PDE3A: variants seen among roughly 807,000 people sequenced by gnomAD.
PDE3A encodes the protein cGMP-inhibited 3',5'-cyclic phosphodiesterase 3A.
Under a neutral mutation model 98.3 loss-of-function variants are expected in PDE3A, and 43 were observed. That is an observed-to-expected ratio of 0.44 (90% CI 0.34 to 0.56). The LOEUF (loss-of-function observed/expected upper bound fraction) is 0.56. Ranked by LOEUF, PDE3A falls within the 20% of genes least tolerant of loss-of-function variation. The pLI, the probability that PDE3A is intolerant of heterozygous loss-of-function variation, is 0.01. For synonymous variants in PDE3A, 663 were observed against 567.9 expected (o/e 1.17, Z -2.38); for missense variants, 1,427 against 1,440.7 (o/e 0.99, Z 0.15).
At chr12:20,613,934 A>ATCTT (rs911560977) in intron 3 of PDE3A, among the ~76,000 whole-genome samples, 6 of 152,146 alleles carry the variant, frequency 3.9e-5, no homozygotes, top group African/African-American at 1.4e-4. Context: ...CTTTTATTTA[A>ATCTT]TCTTTCATGT....
chr12:20,409,455 C>G (rs1020026381), intron 1 of PDE3A, among the ~76,000 whole-genome samples: 1 of 151,980 alleles, frequency 6.6e-6, no homozygotes, highest in African/African-American at 2.4e-5. Flanking sequence ...TAATTTTTAC[C>G]TACAATTTGA....
intron 1 of PDE3A, among the ~76,000 whole-genome samples, chr12:20,484,252 A>G (rs1945682198): frequency 6.6e-6 from 1 of 152,116 alleles, no homozygotes; most frequent in South Asian, 2.1e-4. Flanking sequence ...TTTCCTTGGG[A>G]TTTTTATCTC....
chr12:20,632,499 G>A (rs1353026622), intron 6 of PDE3A, among the ~76,000 whole-genome samples: 5 of 152,202 alleles, frequency 3.3e-5, no homozygotes, highest in Non-Finnish European at 4.4e-5. Flanking sequence ...AAAGAACCCA[G>A]CAGCAAATGC....
At position 20,654,554 on chromosome 12, in the gene PDE3A, T is replaced by C. The variant is rs566141611; in HGVS notation, c.3184+349T>C. Among the ~76,000 whole-genome samples the C allele has an allele frequency of 5.9e-5, 9 of 151,658 alleles. No homozygotes were observed. In the South Asian group the frequency reaches 1.9e-3, roughly 32 times the overall value. The stretch of plus-strand genomic sequence containing the variant: ...CTCTGTCACCCAGGCTGGCGTGCAG[T>C]GGCACGATCTCGGCTCACTGCAAGC... On this transcript the variant is annotated intron_variant, in intron 15 of 15. Transcript: ENST00000359062.
chr12:20,572,715 A>G (rs577354476), intron 2 of PDE3A, among the ~76,000 whole-genome samples: 2 of 152,256 alleles, frequency 1.3e-5, no homozygotes, highest in Non-Finnish European at 2.9e-5. Flanking sequence ...ACATCTGTTC[A>G]AAGAATAACT....
chr12:20,415,476 G>A (rs569386390), intron 1 of PDE3A, among the ~76,000 whole-genome samples: 13 of 151,818 alleles, frequency 8.6e-5, no homozygotes, highest in African/African-American at 1.4e-4. Flanking sequence ...CCGGAGTGCA[G>A]TGGCATCGAT....
At chr12:20,528,079 G>T (rs1314347336) in intron 1 of PDE3A, among the ~76,000 whole-genome samples, 1 of 152,088 alleles carries the variant, frequency 6.6e-6, no homozygotes, top group African/African-American at 2.4e-5. Context: ...ATGATTAAAG[G>T]GTACATAGGC....
chr12:20,493,276 C>A (rs1242226710), intron 1 of PDE3A, among the ~76,000 whole-genome samples: 1 of 152,128 alleles, frequency 6.6e-6, no homozygotes, highest in Non-Finnish European at 1.5e-5. Flanking sequence ...CATATATGGA[C>A]AGTCAGCCCT....
At chr12:20,673,724 G>A (rs900473191) in intron 15 of PDE3A, among the ~76,000 whole-genome samples, 14 of 142,260 alleles carry the variant, frequency 9.8e-5, no homozygotes, top group Non-Finnish European at 2.0e-4. Flanking sequence ...GGGAGGGATA[G>A]CATTGGGAGA....
rs1418395138 is a variant in PDE3A at position 20,680,185 on chromosome 12, G to C, written c.3340G>C (p.Glu1114Gln). 1 of 1,613,840 alleles carries C rather than the reference G, an allele frequency of 6.2e-7. No homozygotes were observed. The highest frequency in any genetic ancestry group is 8.5e-7 in the Non-Finnish European group (1 of 1,179,866). The change falls in exon 16 of 16, where the codon GAA becomes CAA. Residue 1114 changes from glutamate to glutamine, a missense_variant. By Grantham distance (29) the Glu-to-Gln change is conservative. Around this residue, in one of 3 missense-constraint regions of PDE3A, gnomAD observed 142 missense variants for 133.9 expected, o/e 1.06. Transcript: ENST00000359062. ...LDQTPQSHSS[E>Q]QIQAIKEEEE... ...CCAGACCCCTCAGTCGCACTCTTCA[G>C]AACAGATCCAGGCTATCAAGGAAGA... is the stretch of plus-strand genomic sequence containing the variant.
Position 20,677,864 on chromosome 12 carries a change from T to TAGA in PDE3A, c.3185-2166_3185-2165insAGA, listed in dbSNP as rs1446716653. ...AGTAGCATAGTCTCTATGATTTATT[T>TAGA]GACTGTAAACAGTATCAGTAGTATC... is the stretch of plus-strand genomic sequence containing the variant. On this transcript the variant is annotated intron_variant, in intron 15 of 15. Coordinates refer to ENST00000359062, the MANE Select transcript of PDE3A (RefSeq NM_000921.5). Among the ~76,000 whole-genome samples the TAGA allele has an allele frequency of 2.5e-3, 384 of 152,298 alleles. 5 individuals carry two copies. Among genetic ancestry groups the TAGA allele is most frequent in the African/African-American group, 8.5e-3 (353 of 41,550 alleles).
chr12:20,416,529 A>C (rs978342340), intron 1 of PDE3A, among the ~76,000 whole-genome samples: 2 of 152,196 alleles, frequency 1.3e-5, no homozygotes, highest in African/African-American at 4.8e-5. Context: ...TAGTAGAATA[A>C]ATAAAATCTT....
At chr12:20,418,201 A>T (rs968311744) in intron 1 of PDE3A, among the ~76,000 whole-genome samples, 6 of 152,142 alleles carry the variant, frequency 3.9e-5, no homozygotes, top group African/African-American at 1.4e-4. Context: ...AAACTGTTTG[A>T]ACTCCTCCTT....
At chr12:20,470,634 T>C (rs1432741740) in intron 1 of PDE3A, among the ~76,000 whole-genome samples, 2 of 152,102 alleles carry the variant, frequency 1.3e-5, no homozygotes, top group African/African-American at 4.8e-5. Context: ...AAAGTGGAGG[T>C]GGTAGAGATG....
chr12:20,520,443 T>C (rs1946400773), intron 1 of PDE3A, among the ~76,000 whole-genome samples: 1 of 152,220 alleles, frequency 6.6e-6, no homozygotes, highest in Admixed American at 6.5e-5. Context: ...AGTTCCATCC[T>C]GGTGCGTGCT....
chr12:20,671,933 T>C (rs1389769234), intron 15 of PDE3A, among the ~76,000 whole-genome samples: 2 of 145,904 alleles, frequency 1.4e-5, no homozygotes, highest in Admixed American at 6.9e-5. Flanking sequence ...GATGACATGA[T>C]TGTATATCTA....
At chr12:20,564,865 C>A (rs1942616224) in intron 2 of PDE3A, among the ~76,000 whole-genome samples, 1 of 152,106 alleles carries the variant, frequency 6.6e-6, no homozygotes, top group Non-Finnish European at 1.5e-5. Context: ...ATGACATGGG[C>A]ACTACCTTGT....
intron 1 of PDE3A, among the ~76,000 whole-genome samples, chr12:20,478,865 C>A (rs1371837271): frequency 1.3e-5 from 2 of 152,108 alleles, no homozygotes; most frequent in Admixed American, 1.3e-4. Flanking sequence ...AATTTTGGCA[C>A]ATTTTTTTGC....
chr12:20,384,145 T>C (rs148563627), intron 1 of PDE3A, among the ~76,000 whole-genome samples: 96 of 151,698 alleles, frequency 6.3e-4, no homozygotes, highest in African/African-American at 2.3e-3. Flanking sequence ...GGAATATTTA[T>C]CTTTATTTCT....
Sources: allele counts gnomAD v4.1 joint callset (sites outside exome capture counted in the v4.1 genomes callset), GRCh38; gene constraint gnomAD v4.1.1; regional missense constraint gnomAD v4.1.1; transcripts MANE v1.5; gene names NCBI Gene and HGNC (gene_info 2026-07-23, HGNC 2026-07-21).